Variants in RNF6 observed in about 807,000 individuals in gnomAD.
RNF6 encodes E3 ubiquitin-protein ligase RNF6.
A neutral mutation model predicts 50.1 loss-of-function variants in RNF6; 21 were observed. The ratio of observed to expected loss-of-function variants is 0.42; its 90% confidence interval spans 0.30 to 0.60. The LOEUF is 0.60. RNF6 is among the 20% of genes least tolerant of loss of function. RNF6 has a pLI of 0.20. For synonymous variants in RNF6, 255 were observed against 291.8 expected, an observed-to-expected ratio of 0.87 and a Z score of 1.29; for missense variants, 698 against 838.2, an observed-to-expected ratio of 0.83 and a Z score of 2.07.
At chr13:26,195,183 G>A (rs1043401686) in intron 5 of RNF6, among the ~76,000 whole-genome samples, 2 of 152,182 alleles carry the variant, frequency 1.3e-5, no homozygotes, top group African/African-American at 4.8e-5. Flanking sequence ...GAACAGATGG[G>A]CAATGTAAGC....
intron 3 of RNF6, among the ~76,000 whole-genome samples, chr13:26,218,983 T>C (rs947072245): frequency 1.3e-5 from 2 of 152,162 alleles, no homozygotes; most frequent in East Asian, 1.9e-4. Context: ...AATACTTCAT[T>C]ATATGGGTCA....
intron 5 of RNF6, among the ~76,000 whole-genome samples, chr13:26,200,832 T>C (rs754875737): frequency 8.5e-5 from 13 of 152,206 alleles, no homozygotes; most frequent in Non-Finnish European, 1.8e-4. Context: ...CCCATTCAGA[T>C]ACAGTGTTTG....
intron 5 of RNF6, among the ~76,000 whole-genome samples, chr13:26,144,167 G>A (rs777791966): frequency 3.3e-5 from 5 of 151,996 alleles, no homozygotes; most frequent in Non-Finnish European, 7.4e-5. Context: ...TGTCAACCAT[G>A]GACAGTGGAA....
At chr13:26,175,310 G>A (rs1015065458) in intron 5 of RNF6, among the ~76,000 whole-genome samples, 4 of 152,080 alleles carry the variant, frequency 2.6e-5, no homozygotes, top group Non-Finnish European at 5.9e-5. Flanking sequence ...CAAACTCCTG[G>A]CCTCATGTGA....
At chr13:26,186,771 CTTCTT>C (rs1166904368) in intron 5 of RNF6, among the ~76,000 whole-genome samples, 61 of 140,274 alleles carry the variant, frequency 4.3e-4, no homozygotes, top group South Asian at 9.2e-4. Flanking sequence ...GACCTTTCTT[CTTCTT>C]TTTTTTTTTT....
intron 5 of RNF6, among the ~76,000 whole-genome samples, chr13:26,188,157 C>CT (rs1873645324): frequency 6.6e-6 from 1 of 152,186 alleles, no homozygotes; most frequent in African/African-American, 2.4e-5. Flanking sequence ...CTCATGGAGA[C>CT]TTTCAGATTG....
chr13:26,180,874 C>T (rs4770943), intron 5 of RNF6, among the ~76,000 whole-genome samples: 18,013 of 152,288 alleles, frequency 0.12, 1,326 homozygotes, highest in Admixed American at 0.2. Context: ...CCAGGGCCCA[C>T]TGGGTATTCT....
At chr13:26,141,717 T>C (rs1473696729) in intron 5 of RNF6, among the ~76,000 whole-genome samples, 1 of 152,080 alleles carries the variant, frequency 6.6e-6, no homozygotes, top group Non-Finnish European at 1.5e-5. Context: ...TCTCACCATA[T>C]ACAAAAATTA....
intron 5 of RNF6, among the ~76,000 whole-genome samples, chr13:26,204,512 A>G (rs866687555): frequency 7.3e-4 from 109 of 148,802 alleles, no homozygotes; most frequent in African/African-American, 1.6e-3. Context: ...AAAAAAAAAA[A>G]AAAGAAAGAA....
chr13:26,157,545 C>A (rs1452788069), intron 5 of RNF6, among the ~76,000 whole-genome samples: 1 of 152,028 alleles, frequency 6.6e-6, no homozygotes, highest in Non-Finnish European at 1.5e-5. Context: ...TAAAATATAG[C>A]ACAATGTGAA....
In RNF6 at chr13:26,202,265, T is replaced by C. The variant is rs116683468; in HGVS notation, n.768+13209A>G. Among the ~76,000 whole-genome samples the C allele has an allele frequency of 8.2e-3, 1,247 of 152,346 alleles. 13 individuals carry two copies. The highest frequency in any genetic ancestry group is 0.028 in the African/African-American group (1,165 of 41,582). On this transcript the variant is annotated intron_variant and non_coding_transcript_variant, in intron 5 of 5. Coordinates refer to the RNF6 transcript ENST00000468480. ...TGAATATCAGATGAGACAATGAGCA[T>C]GGAATCTCTTCAGATAAAATGAAAT...
At position 26,148,829 on chromosome 13, in the gene RNF6, T is replaced by G. The variant is rs1354477442; in HGVS notation, n.769-16378A>C. Among the ~76,000 whole-genome samples the G allele has an allele frequency of 3.3e-5, 5 of 151,266 alleles. No homozygotes were observed. The East Asian group carries it at 9.7e-4, about 29-fold the overall frequency. ...AAACTCAGGAAAGCTAATGATGTAA[T>G]TCCAGTCCAAAGGCCAGCAGATGCA... On this transcript the variant is annotated intron_variant and non_coding_transcript_variant, in intron 5 of 5. Transcript: ENST00000468480.
intron 5 of RNF6, among the ~76,000 whole-genome samples, chr13:26,204,261 C>CT (rs1869009260): frequency 6.6e-6 from 1 of 151,836 alleles, no homozygotes; most frequent in African/African-American, 2.4e-5. Context: ...TTTGGAAGGC[C>CT]GAGGCGGGTG....
At chr13:26,212,270 C>G (rs1361279682), downstream of RNF6, among the ~76,000 whole-genome samples, 2 of 152,138 alleles carry the variant, frequency 1.3e-5, no homozygotes, top group Non-Finnish European at 2.9e-5. Context: ...CTATGAAAAG[C>G]CTTCAAATCT....
intron 5 of RNF6, among the ~76,000 whole-genome samples, chr13:26,180,170 A>G (rs565508331): frequency 6.9e-4 from 105 of 152,286 alleles, no homozygotes; most frequent in African/African-American, 2.5e-3. Context: ...TTGGCCCCAA[A>G]TAGCTCCAGC....
intron 5 of RNF6, among the ~76,000 whole-genome samples, chr13:26,164,096 T>C (rs999862233): frequency 1.5e-4 from 23 of 152,210 alleles, no homozygotes; most frequent in African/African-American, 5.3e-4. Flanking sequence ...CTAATGGAGA[T>C]TGAATATACA....
intron 5 of RNF6, among the ~76,000 whole-genome samples, chr13:26,153,295 C>A (rs569472227): frequency 2.0e-5 from 3 of 152,020 alleles, no homozygotes; most frequent in African/African-American, 7.3e-5. Flanking sequence ...CTCACTATAA[C>A]CTCCCTTCTC....
chr13:26,175,313 T>C (rs892360982), intron 5 of RNF6, among the ~76,000 whole-genome samples: 15 of 152,194 alleles, frequency 9.9e-5, no homozygotes, highest in Non-Finnish European at 2.2e-4. Flanking sequence ...ACTCCTGGCC[T>C]CATGTGATCT....
intron 5 of RNF6, among the ~76,000 whole-genome samples, chr13:26,174,928 A>G (rs1872879038): frequency 1.3e-5 from 2 of 152,096 alleles, no homozygotes; most frequent in Non-Finnish European, 2.9e-5. Flanking sequence ...GCCTCGGTTG[A>G]ACTTAATCAC....
Sources: allele counts gnomAD v4.1 joint callset (sites outside exome capture counted in the v4.1 genomes callset), GRCh38; gene constraint gnomAD v4.1.1; transcripts MANE v1.5; gene names NCBI Gene and HGNC (gene_info 2026-07-23, HGNC 2026-07-21).